CCDC22: variants seen among roughly 807,000 people sequenced by gnomAD.
CCDC22 encodes coiled-coil domain-containing protein 22.
CCDC22 carries 4 observed loss-of-function variants against 53.1 expected under a neutral mutation model. That is an observed-to-expected ratio of 0.08 (90% CI 0.04 to 0.17). The LOEUF (loss-of-function observed/expected upper bound fraction) is 0.17. Among genes scored for constraint, CCDC22 ranks in the 10% least tolerant of loss-of-function variants. CCDC22 has a pLI of 1.00. For missense variants in CCDC22, 458 were observed against 554.0 expected (o/e 0.83, Z 1.74); for synonymous variants, 222 against 224.4 (o/e 0.99, Z 0.10).
chrX:49,245,030 TTATC>T (rs1472430262), intron 6 of CCDC22, among the ~76,000 whole-genome samples: 1 of 109,917 alleles, frequency 9.1e-6, no homozygotes, highest in Non-Finnish European at 1.9e-5. Flanking sequence ...GTCCATTTCT[TTATC>T]TGTCCCCTTT....
intron 4 of CCDC22, 28 bp downstream of exon 4, chrX:49,243,020 C>G (rs2147937856): frequency 8.8e-7 from 1 of 1,132,235 alleles, no homozygotes; most frequent in African/African-American, 1.8e-5. Context: ...CATGGATCTT[C>G]TCTTGTCCCC....
At chrX:49,249,358 G>C in intron 14 of CCDC22, 96 bp downstream of exon 14, 1 of 882,780 alleles carries the variant, frequency 1.1e-6, no homozygotes, top group East Asian at 3.2e-5. Context: ...CCCAGGCCCT[G>C]TGCGAGGCTG....
At chrX:49,246,472 C>G in intron 6 of CCDC22, among the ~76,000 whole-genome samples, 1 of 112,020 alleles carries the variant, frequency 8.9e-6, no homozygotes, top group East Asian at 2.8e-4. Context: ...CCACCCCCCT[C>G]TCTTCCCACA....
Position 49,243,407 on chromosome X carries a change from G to C in CCDC22, c.659G>C (p.Arg220Pro). The C allele has an allele frequency of 1.7e-6, 2 of 1,203,609 alleles. No homozygotes were observed. The highest frequency in any genetic ancestry group is 1.7e-5 in the African/African-American group (1 of 57,769). The change falls in exon 6 of 17, where the codon CGG becomes CCG. Residue 220 changes from arginine to proline, a missense_variant. Arg to Pro is a moderately radical substitution (Grantham distance 103). Coordinates refer to ENST00000376227, the MANE Select transcript of CCDC22 (RefSeq NM_014008.5). ...CTGCAGCTCTGCCAGCAGACGGGCCGGGACCGGCCAGGGGATGAGGACTGG... is the reference window on the plus strand; with the variant it reads ...CTGCAGCTCTGCCAGCAGACGGGCCCGGACCGGCCAGGGGATGAGGACTGG... ...HALQLCQQTG[R>P]DRPGDEDWVH... is the part of the protein sequence containing the mutation.
rs2065968308 is a variant in CCDC22 at position 49,242,400 on chromosome X, C to A, written c.361+252C>A. The A allele has an allele frequency of 1.5e-5, 10 of 670,355 alleles. No individual in the cohort carries two copies. In the South Asian group the frequency reaches 7.0e-4, roughly 47 times the overall value. 55.2% of individuals were successfully genotyped at this position (670,355 alleles called of 1,213,427 possible). A position where few individuals can be genotyped will look rare whatever the true frequency, so the allele number is the denominator to read the frequency against. ...GGGCCTCCCTGACTCAACCCCTGTG[C>A]CCTCCCTCTCTCTCACTTCGCTCTA... On this transcript the variant is annotated intron_variant, in intron 3 of 16. Coordinates refer to ENST00000376227, the MANE Select transcript of CCDC22 (RefSeq NM_014008.5).
intron 6 of CCDC22, among the ~76,000 whole-genome samples, chrX:49,245,499 C>A (rs1557114045): frequency 1.8e-5 from 2 of 111,230 alleles, no homozygotes; most frequent in East Asian, 5.6e-4. Flanking sequence ...CAGCCTCCCA[C>A]ATAGCTAGGA....
intron 6 of CCDC22, among the ~76,000 whole-genome samples, chrX:49,246,522 A>G (rs953181484): frequency 9.0e-6 from 1 of 111,697 alleles, no homozygotes; most frequent in Non-Finnish European, 1.9e-5. Flanking sequence ...GGAGAGAAGT[A>G]TGTCTGTGAG....
intron 9 of CCDC22, 35 bp downstream of exon 9, chrX:49,247,803 G>A (rs782612904): frequency 8.3e-7 from 1 of 1,207,783 alleles, no homozygotes; most frequent in African/African-American, 1.7e-5. Flanking sequence ...CGTTGGGCTA[G>A]GTCAGAAGGA....
chrX:49,249,057 C>T, intron 13 of CCDC22, 110 bp from the exon 14 acceptor site: 1 of 1,114,367 alleles, frequency 9.0e-7, no homozygotes, highest in Non-Finnish European at 1.2e-6. Flanking sequence ...CAATCCATCC[C>T]AGTCACCCCT....
chrX:49,249,855 GA>G, intron 16 of CCDC22, 130 bp downstream of exon 16: 1 of 595,226 alleles, frequency 1.7e-6, no homozygotes, highest in Non-Finnish European at 2.7e-6. Context: ...TAGTGCCTGT[GA>G]CCTGGGACAG....
intron 1 of CCDC22, among the ~76,000 whole-genome samples, chrX:49,236,369 G>A (rs193198343): frequency 2.7e-5 from 3 of 109,166 alleles, no homozygotes; most frequent in East Asian, 5.8e-4. Context: ...CACCTTGCCC[G>A]GCTAATTTTT....
In CCDC22 at chrX:49,237,697, A is replaced by G. The variant is rs2065944209; in HGVS notation, c.228+434A>G. On this transcript the variant is annotated intron_variant, in intron 2 of 16. Transcript: ENST00000376227. ...TTCCAGAAAATACTCTGTCTGGGTC[A>G]TATACTCCTAAACTAATCACTCTGT... Among the ~76,000 whole-genome samples, 5 of 109,715 alleles carry G rather than the reference A, an allele frequency of 4.6e-5. No homozygotes were observed. The South Asian group carries it at 1.9e-3, about 43-fold the overall frequency.
Position 49,243,163 on chromosome X carries a change from C to T in CCDC22, c.514C>T (p.Pro172Ser). 6 of 1,211,541 alleles carry T rather than the reference C, an allele frequency of 5.0e-6. No homozygotes were observed. The highest frequency in any genetic ancestry group is 6.7e-6 in the Non-Finnish European group (6 of 895,129). Residue 172 changes from proline to serine, a missense_variant, in exon 5 of 17, where the codon CCA becomes TCA. Coordinates refer to ENST00000376227, the MANE Select transcript of CCDC22 (RefSeq NM_014008.5). ...TTTCCATGCCAGCAGGCTGGTCGTG[C>T]CAGAATTGAGTTCCAGAGGTGGTGA... The part of the protein sequence containing the change: ...KPFHASRLVV[P>S]ELSSRGEPRE...
intron 2 of CCDC22, among the ~76,000 whole-genome samples, chrX:49,240,485 C>T (rs1345548985): frequency 3.6e-5 from 4 of 111,172 alleles, no homozygotes; most frequent in East Asian, 5.6e-4. Context: ...ACCCAGGAGG[C>T]GGAGGTTCCA....
intron 6 of CCDC22, among the ~76,000 whole-genome samples, chrX:49,243,901 G>A (rs1557113806): frequency 8.9e-6 from 1 of 112,265 alleles, no homozygotes; most frequent in Non-Finnish European, 1.9e-5. Flanking sequence ...CGATTCTCCT[G>A]CCTCAGCCTC....
rs1301803036 is a variant in CCDC22, at chrX:49,247,575, G to A, written c.972+17G>A. 8.4e-7 allele frequency: 1 copy of A among 1,192,665 alleles called. No individual in the cohort carries two copies. Among genetic ancestry groups the A allele is most frequent in the Non-Finnish European group, 1.1e-6 (1 of 885,943 alleles). On this transcript the variant is annotated intron_variant, in intron 8 of 16. Coordinates refer to ENST00000376227, the MANE Select transcript of CCDC22 (RefSeq NM_014008.5). ...CCTGAACAGGTGAGCAGAGTGGTTTGGAGGGGGGTGTCCCAGGCCCTTGCT... is the reference window on the plus strand; with the variant it reads ...CCTGAACAGGTGAGCAGAGTGGTTTAGAGGGGGGTGTCCCAGGCCCTTGCT...
intron 9 of CCDC22, 90 bp downstream of exon 9, chrX:49,247,858 T>C: frequency 1.9e-6 from 2 of 1,071,850 alleles, no homozygotes; most frequent in South Asian, 2.0e-5. Flanking sequence ...AGGTGCTCTG[T>C]AGAGGTCTGC....
intron 2 of CCDC22, chrX:49,239,560 G>A (rs1186431206): frequency 2.3e-6 from 1 of 429,600 alleles, no homozygotes; most frequent in African/African-American, 2.7e-5. Flanking sequence ...TAGGGGACTG[G>A]GTGGCTAGAG....
chrX:49,246,369 G>T (rs781912769), intron 6 of CCDC22, among the ~76,000 whole-genome samples: 2 of 111,952 alleles, frequency 1.8e-5, no homozygotes, highest in Non-Finnish European at 3.8e-5. Context: ...CTCTCTCTCT[G>T]CCTCTTTCTG....
Sources: allele counts gnomAD v4.1 joint callset (sites outside exome capture counted in the v4.1 genomes callset), GRCh38; gene constraint gnomAD v4.1.1; transcripts MANE v1.5; gene names NCBI Gene and HGNC (gene_info 2026-07-23, HGNC 2026-07-21).